Variants in TENM2 observed in about 807,000 individuals in gnomAD.
The protein encoded by TENM2 is teneurin transmembrane protein 2.
A neutral mutation model predicts 245.2 loss-of-function variants in TENM2; 52 were observed. The ratio of observed to expected loss-of-function variants is 0.21; its 90% CI spans 0.17 to 0.27. The LOEUF is 0.27. TENM2 is among the 10% of genes least tolerant of loss of function. The pLI is 1.00. For synonymous variants in TENM2, 1,363 were observed against 1,438.9 expected (o/e 0.95, Z 1.19); for missense variants, 3,046 against 3,666.8 (o/e 0.83, Z 4.37).
At chr5:167,125,729 G>A in the TENM2 span, among the ~76,000 whole-genome samples, 1 of 152,014 alleles carries the variant, frequency 6.6e-6, no homozygotes, top group Admixed American at 6.6e-5. Context: ...TTGTACATTT[G>A]GGAGACAACA....
At chr5:167,693,633 CA>C (rs35853452) in intron 2 of TENM2, among the ~76,000 whole-genome samples, 2,816 of 90,732 alleles carry the variant, frequency 0.031, 40 homozygotes, top group African/African-American at 0.071. Flanking sequence ...AATTTCTAGG[CA>C]AAAAAAAAAA....
Position 167,435,552 on chromosome 5 carries a change from G to A in TENM2, c.502+60079G>A, listed in dbSNP as rs141779128. Among the ~76,000 whole-genome samples the A allele has an allele frequency of 1.2e-4, 18 of 152,308 alleles. No homozygotes were observed. The East Asian group carries it at 3.5e-3, about 29-fold the overall frequency. ...TGTAAATTACCCACTCTGGGGGTATGTTTTTATCAGCAGCATGAAAATGAA... is the reference window on the plus strand; with the variant it reads ...TGTAAATTACCCACTCTGGGGGTATATTTTTATCAGCAGCATGAAAATGAA... On this transcript the variant is annotated intron_variant, in intron 2 of 28. Coordinates refer to ENST00000518659, the Ensembl canonical transcript of TENM2.
At chr5:167,706,294 T>A (rs952632037) in intron 2 of TENM2, among the ~76,000 whole-genome samples, 2 of 147,248 alleles carry the variant, frequency 1.4e-5, no homozygotes, top group African/African-American at 4.9e-5. Flanking sequence ...GTATATATTA[T>A]ATATGTATCA....
At chr5:167,408,130 C>T (rs906576126) in intron 2 of TENM2, among the ~76,000 whole-genome samples, 4 of 152,018 alleles carry the variant, frequency 2.6e-5, no homozygotes, top group African/African-American at 9.7e-5. Flanking sequence ...AGCAAATTGA[C>T]ATTGAAAACC....
intron 4 of TENM2, among the ~76,000 whole-genome samples, chr5:167,975,141 A>G (rs1359454373): frequency 6.6e-6 from 1 of 152,264 alleles, no homozygotes; most frequent in Non-Finnish European, 1.5e-5. Context: ...TCAATTTACC[A>G]TGCCTCGGCT....
intron 1 of TENM2, among the ~76,000 whole-genome samples, chr5:167,301,102 A>T (rs914390108): frequency 1.3e-5 from 2 of 152,164 alleles, no homozygotes; most frequent in African/African-American, 2.4e-5. Context: ...CCCGAAGCTC[A>T]GCATCCGTGA....
the TENM2 span, among the ~76,000 whole-genome samples, chr5:167,246,926 C>T: frequency 1.3e-5 from 2 of 151,980 alleles, no homozygotes; most frequent in Admixed American, 1.3e-4. Context: ...TTCATCACCT[C>T]ATCATTCATT....
At chr5:167,028,964 T>G in the TENM2 span, among the ~76,000 whole-genome samples, 1 of 152,094 alleles carries the variant, frequency 6.6e-6, no homozygotes, top group Admixed American at 6.6e-5. Flanking sequence ...CAGGTCTAAT[T>G]TTTTTTAATG....
In TENM2 at chr5:167,976,114, T is replaced by G. The variant is rs146191765; in HGVS notation, c.948-16830T>G. Reference sequence around the variant, plus strand: ...CTGTCCCCTTTAATTTTTACACCATTTATATACCTTCCTCTTTCTCTTCTT... The same window carrying G: ...CTGTCCCCTTTAATTTTTACACCATGTATATACCTTCCTCTTTCTCTTCTT... On this transcript the variant is annotated intron_variant, in intron 4 of 28. Transcript: ENST00000518659. Among the ~76,000 whole-genome samples, 172 of 152,288 alleles carry G rather than the reference T, an allele frequency of 1.1e-3. 1 individual carries two copies. The highest frequency in any genetic ancestry group is 6.0e-3 in the Admixed American group (92 of 15,298).
chr5:168,034,093 G>GTA (rs201397686), intron 5 of TENM2, among the ~76,000 whole-genome samples: 28 of 122,510 alleles, frequency 2.3e-4, no homozygotes, highest in Non-Finnish European at 3.5e-4. Flanking sequence ...ATATATATGT[G>GTA]TATATATATA....
At chr5:167,288,721 A>T (rs953824845) in intron 1 of TENM2, among the ~76,000 whole-genome samples, 1 of 152,166 alleles carries the variant, frequency 6.6e-6, no homozygotes, top group African/African-American at 2.4e-5. Context: ...ATATTAGGAA[A>T]CTGAGTCAGA....
chr5:167,536,202 T>C (rs954258594), intron 2 of TENM2, among the ~76,000 whole-genome samples: 5 of 152,052 alleles, frequency 3.3e-5, no homozygotes, highest in African/African-American at 4.8e-5. Context: ...GTTAACAAGA[T>C]TGATAAGCTA....
intron 5 of TENM2, among the ~76,000 whole-genome samples, chr5:167,994,207 G>A (rs1159018518): frequency 6.6e-6 from 1 of 152,244 alleles, no homozygotes; most frequent in African/African-American, 2.4e-5. Context: ...GCTGTGCCAT[G>A]TTGCAAAGCA....
intron 2 of TENM2, among the ~76,000 whole-genome samples, chr5:167,717,625 GTGTT>G (rs1304968134): frequency 1.3e-5 from 2 of 152,038 alleles, no homozygotes; most frequent in Non-Finnish European, 2.9e-5. Flanking sequence ...TCTTGAGTAA[GTGTT>G]TTCCCTTTCT....
chr5:168,047,134 C>T (rs1788675627), intron 5 of TENM2, among the ~76,000 whole-genome samples: 1 of 152,142 alleles, frequency 6.6e-6, no homozygotes, highest in African/African-American at 2.4e-5. Flanking sequence ...GCCATTTTCC[C>T]CTCCATGGTG....
At chr5:167,707,264 G>A (rs1469889893) in intron 2 of TENM2, among the ~76,000 whole-genome samples, 1 of 151,954 alleles carries the variant, frequency 6.6e-6, no homozygotes. Context: ...AGGTTGTTAT[G>A]GTTTTTGCTT....
At chr5:168,127,868 C>A (rs920491558) in intron 12 of TENM2, among the ~76,000 whole-genome samples, 2 of 152,182 alleles carry the variant, frequency 1.3e-5, no homozygotes, top group Non-Finnish European at 2.9e-5. Flanking sequence ...ACGTTTCCAG[C>A]CAAACTACAG....
chr5:167,030,848 A>G, the TENM2 span, among the ~76,000 whole-genome samples: 1 of 151,966 alleles, frequency 6.6e-6, no homozygotes, highest in Non-Finnish European at 1.5e-5. Flanking sequence ...GTTATTTACC[A>G]CCTCTTCCTC....
Position 168,246,633 on chromosome 5 carries a change from C to A in TENM2, c.5818-124C>A, listed in dbSNP as rs1766599444. 10 of 1,002,288 alleles carry A rather than the reference C, an allele frequency of 1.0e-5. No homozygotes were observed. In the Middle Eastern group the frequency reaches 8.4e-4, roughly 84 times the overall value. The allele number at this position is 1,002,288 out of a possible 1,614,324, so 62.1% of individuals were successfully genotyped here. Reference sequence around the variant, plus strand: ...GTGAAATAAATCTGTTTAATCTGGTCTAAGCTTCCCATCTTTCATGACTTT... The same window carrying A: ...GTGAAATAAATCTGTTTAATCTGGTATAAGCTTCCCATCTTTCATGACTTT... On this transcript the variant is annotated intron_variant, in intron 26 of 28. Coordinates refer to ENST00000518659, the Ensembl canonical transcript of TENM2.
Sources: gnomAD v4.1 joint callset for allele counts (sites outside exome capture counted in the v4.1 genomes callset) on GRCh38, gnomAD v4.1.1 for gene constraint, MANE v1.5 for transcripts, NCBI Gene and HGNC (gene_info 2026-07-23, HGNC 2026-07-21) for gene names.